Variants in TMPRSS15 observed in about 807,000 individuals in gnomAD.
TMPRSS15 encodes enteropeptidase.
Under a neutral mutation model 125.3 loss-of-function variants are expected in TMPRSS15, and 128 were observed. The observed-to-expected ratio is 1.02, with a 90% CI of 0.89 to 1.18. The LOEUF (loss-of-function observed/expected upper bound fraction) is 1.18, where lower values mean the gene tolerates loss of function less well. TMPRSS15 is among the 50% of genes most tolerant of loss of function. The pLI is 0.00. For missense variants in TMPRSS15, 1,283 were observed against 1,212.7 expected, an observed-to-expected ratio of 1.06 and a Z score of -0.86; for synonymous variants, 446 against 423.2, an observed-to-expected ratio of 1.05 and a Z score of -0.66.
At chr21:18,363,063 T>C (rs2075692041) in intron 7 of TMPRSS15, among the ~76,000 whole-genome samples, 1 of 152,186 alleles carries the variant, frequency 6.6e-6, no homozygotes, top group South Asian at 2.1e-4. Context: ...TTCTCCTATA[T>C]TTAATTGATC....
intron 6 of TMPRSS15, among the ~76,000 whole-genome samples, chr21:18,367,046 G>T (rs1295142165): frequency 6.6e-6 from 1 of 151,686 alleles, no homozygotes; most frequent in Admixed American, 6.6e-5. Context: ...ATATTTTCAG[G>T]TGCATAAAAA....
At position 18,397,732 on chromosome 21, in the gene TMPRSS15, T is replaced by C. The variant is rs2076053025; in HGVS notation, c.344+147A>G. 5.8e-6 allele frequency: 3 copies of C among 518,236 alleles called. No individual in the cohort carries two copies. In the East Asian group the frequency reaches 9.3e-5, roughly 16 times the overall value. The allele number at this position is 518,236 out of a possible 1,614,324, so 32.1% of individuals were successfully genotyped here. A position where few individuals can be genotyped will look rare whatever the true frequency, so the allele number is the denominator to read the frequency against. On this transcript the variant is annotated intron_variant, in intron 3 of 24. Coordinates refer to ENST00000284885, the MANE Select transcript of TMPRSS15 (RefSeq NM_002772.3). The stretch of plus-strand genomic sequence containing the variant: ...TATTATTCGCTACTAAAATGAAAGT[T>C]TATGCTGTGCCACTTTGCTTAATCC...
At chr21:18,294,528 T>A in intron 20 of TMPRSS15, 75 bp downstream of exon 20, 1 of 1,601,020 alleles carries the variant, frequency 6.2e-7, no homozygotes. Context: ...ACAAAATAAC[T>A]TCAGGTGACA....
intron 1 of TMPRSS15, among the ~76,000 whole-genome samples, chr21:18,425,961 G>C (rs768230806): frequency 6.6e-5 from 10 of 152,124 alleles, no homozygotes; most frequent in Non-Finnish European, 1.5e-4. Context: ...GCCAGGCTCT[G>C]TGCTATGAGT....
At chr21:18,338,406 G>A (rs2075413962) in intron 13 of TMPRSS15, among the ~76,000 whole-genome samples, 1 of 151,996 alleles carries the variant, frequency 6.6e-6, no homozygotes, top group Non-Finnish European at 1.5e-5. Flanking sequence ...CTGATATTTG[G>A]TATCTGTAGG....
Position 18,397,860 on chromosome 21 carries a change from A to T in TMPRSS15, c.344+19T>A. 1.4e-6 allele frequency: 2 copies of T among 1,439,050 alleles called. No homozygotes were observed. The highest frequency in any genetic ancestry group is 1.3e-5 in the South Asian group (1 of 77,990). The allele number at this position is 1,439,050 out of a possible 1,614,324, so 89.1% of individuals were successfully genotyped here. A position where few individuals can be genotyped will look rare whatever the true frequency, so the allele number is the denominator to read the frequency against. The stretch of plus-strand genomic sequence containing the variant: ...ATCACTAATTTTCCATCAGTAGAAA[A>T]TTTTTGAGCTATACTCACTCAAATT... On this transcript the variant is annotated intron_variant, in intron 3 of 24. Transcript: ENST00000284885.
At chr21:18,354,336 T>C (rs1436462318) in intron 8 of TMPRSS15, among the ~76,000 whole-genome samples, 1 of 151,772 alleles carries the variant, frequency 6.6e-6, no homozygotes, top group Non-Finnish European at 1.5e-5. Flanking sequence ...GACCTCAAAA[T>C]AATACCAGGT....
In TMPRSS15 at chr21:18,403,680, C is replaced by G. The variant is rs1003473323; in HGVS notation, c.-58G>C. The G allele has an allele frequency of 6.2e-6, 10 of 1,604,328 alleles. No homozygotes were observed. In the African/African-American group the frequency reaches 1.3e-4, roughly 22 times the overall value. On this transcript the variant is annotated 5_prime_UTR_variant, in exon 1 of 25. Coordinates refer to ENST00000284885, the MANE Select transcript of TMPRSS15 (RefSeq NM_002772.3). Reference sequence around the variant, plus strand: ...TGAAAGAGAATATAAATAATTCTACCAACTGAAGAGAAAAATCTCTCAAAT... The same window carrying G: ...TGAAAGAGAATATAAATAATTCTACGAACTGAAGAGAAAAATCTCTCAAAT...
chr21:18,351,562 C>CA (rs1444425633), intron 10 of TMPRSS15, among the ~76,000 whole-genome samples: 1 of 152,176 alleles, frequency 6.6e-6, no homozygotes, highest in Non-Finnish European at 1.5e-5. Context: ...TAAACACACT[C>CA]ACTGTCTCTT....
chr21:18,295,791 C>G (rs2074899297), intron 19 of TMPRSS15, among the ~76,000 whole-genome samples: 1 of 152,276 alleles, frequency 6.6e-6, no homozygotes, highest in African/African-American at 2.4e-5. Context: ...TCTCAATTAA[C>G]TCCCCTTTTT....
At chr21:18,396,485 C>T (rs762589822) in intron 3 of TMPRSS15, among the ~76,000 whole-genome samples, 37 of 152,026 alleles carry the variant, frequency 2.4e-4, no homozygotes, top group Non-Finnish European at 4.4e-4. Context: ...TAAGAAAATA[C>T]ATCTTACAGC....
At chr21:18,475,303 C>T (rs1978859305) in intron 1 of TMPRSS15, among the ~76,000 whole-genome samples, 1 of 151,982 alleles carries the variant, frequency 6.6e-6, no homozygotes, top group Non-Finnish European at 1.5e-5. Context: ...TGTAATGAAA[C>T]ATAAAGAAAT....
intron 18 of TMPRSS15, among the ~76,000 whole-genome samples, chr21:18,302,460 C>T (rs2074983445): frequency 6.6e-6 from 1 of 152,144 alleles, no homozygotes; most frequent in African/African-American, 2.4e-5. Flanking sequence ...AATTATTTAA[C>T]CATGTATTGC....
intron 1 of TMPRSS15, among the ~76,000 whole-genome samples, chr21:18,441,661 CATT>C (rs113071625): frequency 0.072 from 9,690 of 134,560 alleles, 426 homozygotes; most frequent in African/African-American, 0.12. Flanking sequence ...CTTTAGGACA[CATT>C]ATTATTATTA....
intron 13 of TMPRSS15, among the ~76,000 whole-genome samples, chr21:18,333,340 T>C (rs1359730346): frequency 6.6e-6 from 1 of 152,250 alleles, no homozygotes; most frequent in Non-Finnish European, 1.5e-5. Context: ...GAAAGCAAGA[T>C]AGTGCACAGC....
intron 1 of TMPRSS15, among the ~76,000 whole-genome samples, chr21:18,453,633 A>G (rs1189485568): frequency 1.3e-5 from 2 of 152,228 alleles, no homozygotes; most frequent in Non-Finnish European, 2.9e-5. Flanking sequence ...TGTATGATTC[A>G]GCAATCCCAC....
At chr21:18,455,676 G>A (rs1978426714) in intron 1 of TMPRSS15, among the ~76,000 whole-genome samples, 1 of 152,144 alleles carries the variant, frequency 6.6e-6, no homozygotes, top group South Asian at 2.1e-4. Context: ...TTGTCAGGGA[G>A]GAGAAGACCC....
chr21:18,340,060 T>G (rs2075431740), intron 13 of TMPRSS15, among the ~76,000 whole-genome samples: 1 of 152,190 alleles, frequency 6.6e-6, no homozygotes, highest in East Asian at 1.9e-4. Context: ...TAGTTAATAT[T>G]GAATGCCAGC....
chr21:18,475,341 G>A (rs374699537), intron 1 of TMPRSS15, among the ~76,000 whole-genome samples: 9 of 152,124 alleles, frequency 5.9e-5, no homozygotes, highest in Admixed American at 5.2e-4. Context: ...ACAGTGGCTC[G>A]CAATTTGGGA....
Sources: allele counts gnomAD v4.1 joint callset (sites outside exome capture counted in the v4.1 genomes callset), GRCh38; gene constraint gnomAD v4.1.1; transcripts MANE v1.5; gene names NCBI Gene and HGNC (gene_info 2026-07-23, HGNC 2026-07-21).